The following MACROD1 variants were observed in gnomAD, a reference collection of about 807,000 sequenced individuals.
The protein encoded by MACROD1 is mono-ADP ribosylhydrolase 1.
In MACROD1, 31 loss-of-function variants were observed where a neutral mutation model predicts 41.4. That is an observed-to-expected ratio of 0.75 (90% CI 0.56 to 1.01). The LOEUF (loss-of-function observed/expected upper bound fraction) is 1.01. Among genes scored for constraint, MACROD1 ranks in the 50% least tolerant of loss-of-function variants. The pLI is 0.00. For synonymous variants in MACROD1, 252 were observed against 203.4 expected (o/e 1.24, Z -2.03); for missense variants, 473 against 460.0 (o/e 1.03, Z -0.26).
intron 3 of MACROD1, among the ~76,000 whole-genome samples, chr11:64,043,625 AAGGGTGGCAGAGAGGTCATTATTG>A (rs968939953): frequency 3.3e-5 from 5 of 152,112 alleles, no homozygotes; most frequent in African/African-American, 1.2e-4. Context: ...TCTGCTCATT[AAGGGTGGCAGAGAGGTCATTATTG>A]AGTGTTTACT....
chr11:64,010,363 GTGTTGGCTGGGA>G (rs1479876917), intron 4 of MACROD1, among the ~76,000 whole-genome samples: 9 of 148,528 alleles, frequency 6.1e-5, no homozygotes, highest in East Asian at 4.0e-4. Context: ...GTTGGTTGGA[GTGTTGGCTGGGA>G]TGTTGGCTGG....
intron 3 of MACROD1, among the ~76,000 whole-genome samples, chr11:64,079,048 G>A (rs960250023): frequency 7.2e-5 from 11 of 151,992 alleles, no homozygotes; most frequent in African/African-American, 1.2e-4. Flanking sequence ...TTGCTGAGCC[G>A]CTGTGCGGAC....
At chr11:64,016,271 C>T (rs1174942641) in intron 3 of MACROD1, among the ~76,000 whole-genome samples, 1 of 152,252 alleles carries the variant, frequency 6.6e-6, no homozygotes, top group Non-Finnish European at 1.5e-5. Context: ...AGCCTGGGCT[C>T]CAGCCCCGAT....
At chr11:64,015,875 A>T (rs982075545) in intron 3 of MACROD1, among the ~76,000 whole-genome samples, 1 of 152,196 alleles carries the variant, frequency 6.6e-6, no homozygotes, top group African/African-American at 2.4e-5. Context: ...GAGCCGGGTA[A>T]GGGGCCTGGA....
intron 3 of MACROD1, among the ~76,000 whole-genome samples, chr11:64,075,318 T>A (rs1693585748): frequency 6.6e-6 from 1 of 152,278 alleles, no homozygotes; most frequent in Non-Finnish European, 1.5e-5. Context: ...CCCATCACCC[T>A]GTTTAGACAG....
At chr11:64,117,829 C>T (rs1378608432) in intron 3 of MACROD1, 3 of 1,614,218 alleles carry the variant, frequency 1.9e-6, no homozygotes, top group Non-Finnish European at 1.7e-6. Flanking sequence ...GCTGATGAGA[C>T]ACCCGTGTGT....
At chr11:64,150,468 C>T (rs764578745) in intron 3 of MACROD1, among the ~76,000 whole-genome samples, 42 of 152,278 alleles carry the variant, frequency 2.8e-4, no homozygotes, top group Non-Finnish European at 4.4e-4. Flanking sequence ...GAGAAAGAGG[C>T]CCCCCTTCCT....
intron 3 of MACROD1, among the ~76,000 whole-genome samples, chr11:64,131,451 C>CAAGT (rs761791875): frequency 3.3e-5 from 5 of 152,182 alleles, no homozygotes; most frequent in Non-Finnish European, 7.3e-5. Context: ...CTCAGCCTCC[C>CAAGT]AAGTAGCTGC....
chr11:64,099,934 C>A (rs948176983), intron 3 of MACROD1, among the ~76,000 whole-genome samples: 1 of 152,050 alleles, frequency 6.6e-6, no homozygotes, highest in East Asian at 1.9e-4. Flanking sequence ...GAGGGGTGCA[C>A]AAGAGAGCCT....
At chr11:64,008,388 T>C (rs1229219048) in intron 4 of MACROD1, among the ~76,000 whole-genome samples, 2 of 148,858 alleles carry the variant, frequency 1.3e-5, no homozygotes, top group Non-Finnish European at 3.0e-5. Context: ...GAGTCTGCGG[T>C]GGGGCCTGGG....
intron 3 of MACROD1, among the ~76,000 whole-genome samples, chr11:64,129,097 A>T (rs888287677): frequency 6.6e-6 from 1 of 152,246 alleles, no homozygotes; most frequent in Non-Finnish European, 1.5e-5. Context: ...AAGCTAGGGA[A>T]GAAGGGCTGT....
At position 63,999,409 on chromosome 11, in the gene MACROD1, G is replaced by C; in HGVS notation, c.818-5C>G. The C allele has an allele frequency of 6.4e-7, 1 of 1,566,804 alleles. No homozygotes were observed. Among genetic ancestry groups the C allele is most frequent in the Non-Finnish European group, 8.6e-7 (1 of 1,159,780 alleles). Reference sequence around the variant, plus strand: ...CGGCCGCCTCACAGGGGTAGCCTGAGGCGGGTGGGGCGGGAGTGAGTCCTA... The same window carrying C: ...CGGCCGCCTCACAGGGGTAGCCTGACGCGGGTGGGGCGGGAGTGAGTCCTA... On this transcript the variant is annotated splice_polypyrimidine_tract_variant and splice_region_variant and intron_variant, in intron 7 of 10. Transcript: ENST00000255681.
Position 63,998,774 on chromosome 11 carries a change from G to A in MACROD1, c.*30+64C>T, listed in dbSNP as rs902405838. 6.4e-5 allele frequency: 92 copies of A among 1,442,034 alleles called. 1 individual carries two copies. The African/African-American group carries it at 1.2e-3, about 19-fold the overall frequency. The allele number at this position is 1,442,034 out of a possible 1,614,324, so 89.3% of individuals were successfully genotyped here. On this transcript the variant is annotated intron_variant, in intron 10 of 10. Transcript: ENST00000255681. ...GGTTTCCCGCCCTGCTTGGGGGTGA[G>A]CGGGGGTTAGTGGGCGGGTTAGTCT... is the stretch of plus-strand genomic sequence containing the variant.
intron 3 of MACROD1, among the ~76,000 whole-genome samples, chr11:64,080,986 A>C (rs1182871922): frequency 6.6e-6 from 1 of 152,158 alleles, no homozygotes; most frequent in African/African-American, 2.4e-5. Context: ...CTGTTTAATG[A>C]GGGGACATTC....
At chr11:64,052,409 T>G (rs1943711556) in intron 3 of MACROD1, among the ~76,000 whole-genome samples, 1 of 152,226 alleles carries the variant, frequency 6.6e-6, no homozygotes. Flanking sequence ...ATTCCTGGCC[T>G]CAAGCGATCT....
chr11:64,138,752 G>A (rs17773078), intron 3 of MACROD1, among the ~76,000 whole-genome samples: 16,669 of 152,110 alleles, frequency 0.11, 1,154 homozygotes, highest in Non-Finnish European at 0.16. Flanking sequence ...CCGCCAGGAG[G>A]TGGGTGCCAC....
intron 3 of MACROD1, among the ~76,000 whole-genome samples, chr11:64,125,334 G>C (rs1444942551): frequency 2.0e-5 from 3 of 152,206 alleles, no homozygotes; most frequent in African/African-American, 7.2e-5. Context: ...TGCTGCCACA[G>C]CCCTAAATCT....
chr11:64,094,836 A>G (rs1944549509), intron 3 of MACROD1, among the ~76,000 whole-genome samples: 1 of 152,206 alleles, frequency 6.6e-6, no homozygotes, highest in African/African-American at 2.4e-5. Context: ...AGGCTGAAGC[A>G]CTTCCCAGAG....
rs1256952306 is a variant in MACROD1, at chr11:64,064,907, G to A, written c.518-49626C>T. On this transcript the variant is annotated intron_variant, in intron 3 of 10. Coordinates refer to ENST00000255681, the MANE Select transcript of MACROD1 (RefSeq NM_014067.4). This position sits in a 1 kb window ranked among gnomAD's most constrained non-coding sequence, Gnocchi z 4.5. ...AGTGCTTCCAGAGCCCACCTATGAC[G>A]TGCCAGGCAAGGCGGCAGGCAGGAG... Among the ~76,000 whole-genome samples the A allele has an allele frequency of 6.6e-6, 1 of 152,104 alleles. No homozygotes were observed. Among genetic ancestry groups the A allele is most frequent in the South Asian group, 2.1e-4 (1 of 4,822 alleles).
Sources: allele counts gnomAD v4.1 joint callset (sites outside exome capture counted in the v4.1 genomes callset), GRCh38; gene constraint gnomAD v4.1.1; non-coding constraint Gnocchi (gnomAD v3.1); transcripts MANE v1.5; gene names NCBI Gene and HGNC (gene_info 2026-07-23, HGNC 2026-07-21).